Variants in PPP4R1 observed in about 807,000 individuals in gnomAD.
The protein encoded by PPP4R1 is protein phosphatase 4 regulatory subunit 1, also known as serine/threonine-protein phosphatase 4 regulatory subunit 1.
Under a neutral mutation model 111.2 loss-of-function variants are expected in PPP4R1, and 42 were observed. That is an observed-to-expected ratio of 0.38 (90% confidence interval 0.29 to 0.49). The LOEUF is 0.49. PPP4R1 is among the 20% of genes least tolerant of loss of function. The pLI is 0.97. For missense variants in PPP4R1, 1,012 were observed against 1,161.6 expected (o/e 0.87, Z 1.87); for synonymous variants, 409 against 405.5 (o/e 1.01, Z -0.10).
chr18:9,579,608 G>C lies in PPP4R1; in HGVS notation c.919-2417C>G, dbSNP rs1266866153. 2.0e-5 allele frequency among the ~76,000 whole-genome samples: 3 copies of C among 151,650 alleles called. No homozygotes were observed. In the East Asian group the frequency reaches 5.8e-4, roughly 29 times the overall value. ...GTGCAGCATATATAGCCTGCCCTCTGTATCCACAGGTTCTGTGGATTCAAC... is the reference window on the plus strand; with the variant it reads ...GTGCAGCATATATAGCCTGCCCTCTCTATCCACAGGTTCTGTGGATTCAAC... On this transcript the variant is annotated intron_variant, in intron 9 of 19. Transcript: ENST00000400556.
intron 9 of PPP4R1, among the ~76,000 whole-genome samples, chr18:9,580,665 G>A (rs2067014209): frequency 6.6e-6 from 1 of 152,062 alleles, no homozygotes; most frequent in South Asian, 2.1e-4. Context: ...TTCCCTCCTT[G>A]TAACGCCTCC....
At position 9,614,552 on chromosome 18, in the gene PPP4R1, G is replaced by A; in HGVS notation, c.-68C>T. 1 of 984,654 alleles carries A rather than the reference G, an allele frequency of 1.0e-6. No individual in the cohort carries two copies. The highest frequency in any genetic ancestry group is 1.2e-6 in the Non-Finnish European group (1 of 827,590). 61.0% of individuals were successfully genotyped at this position (984,654 alleles called of 1,614,324 possible). ...GCTACATGGAGCGGCGCGAGCCGGG[G>A]AGCCGGTGGACGCGCGCGGGAGGGG... On this transcript the variant is annotated 5_prime_UTR_variant, in exon 1 of 20. Coordinates refer to ENST00000400556, the MANE Select transcript of PPP4R1 (RefSeq NM_001042388.3). The surrounding 1 kb of genome is among the most constrained non-coding windows in gnomAD (Gnocchi z 4.1).
intron 18 of PPP4R1, 144 bp downstream of exon 18, chr18:9,549,908 G>T: frequency 1.6e-6 from 2 of 1,237,808 alleles, no homozygotes; most frequent in Non-Finnish European, 2.2e-6. Context: ...AACAATGGGG[G>T]CAGATGATCC....
chr18:9,582,739 A>C (rs141132107), intron 9 of PPP4R1, among the ~76,000 whole-genome samples: 15 of 152,338 alleles, frequency 9.8e-5, no homozygotes, highest in African/African-American at 3.4e-4. Flanking sequence ...ACAGACTATT[A>C]TCTCTCATGA....
intron 10 of PPP4R1, among the ~76,000 whole-genome samples, chr18:9,572,687 A>G (rs1224518060): frequency 2.6e-5 from 4 of 152,236 alleles, no homozygotes; most frequent in Admixed American, 6.5e-5. Flanking sequence ...AACAGTCACC[A>G]TCTACATTCT....
chr18:9,574,716 G>T (rs1334578739), intron 10 of PPP4R1, among the ~76,000 whole-genome samples: 1 of 152,148 alleles, frequency 6.6e-6, no homozygotes, highest in Non-Finnish European at 1.5e-5. Flanking sequence ...CAAAAGGATA[G>T]GATTAAAATA....
intron 11 of PPP4R1, among the ~76,000 whole-genome samples, chr18:9,566,350 G>A (rs1182841851): frequency 6.6e-6 from 1 of 151,600 alleles, no homozygotes; most frequent in Non-Finnish European, 1.5e-5. Flanking sequence ...TGTGGCTGAT[G>A]ACTTTAAGTT....
chr18:9,562,599 GTATTAT>G (rs2066696211), intron 12 of PPP4R1, among the ~76,000 whole-genome samples: 1 of 152,134 alleles, frequency 6.6e-6, no homozygotes, highest in Non-Finnish European at 1.5e-5. Context: ...CAAAGCAGTG[GTATTAT>G]ACAGATTTCT....
At chr18:9,564,728 GT>G (rs2066735131) in intron 11 of PPP4R1, among the ~76,000 whole-genome samples, 1 of 54,440 alleles carries the variant, frequency 1.8e-5, no homozygotes, top group Non-Finnish European at 4.1e-5. Flanking sequence ...GTGTGTGTGT[GT>G]GTGTGTGTGG....
At chr18:9,550,612 G>A (rs189690550) in intron 16 of PPP4R1, 328 of 555,718 alleles carry the variant, frequency 5.9e-4, no homozygotes, top group African/African-American at 5.6e-3. Flanking sequence ...TCCTTAGAGT[G>A]TAAGGAAAAC....
chr18:9,603,297 C>G (rs1476422371), intron 2 of PPP4R1, among the ~76,000 whole-genome samples: 2 of 127,800 alleles, frequency 1.6e-5, no homozygotes, highest in Admixed American at 1.5e-4. Flanking sequence ...TAAGTATTAT[C>G]TCATTCTAAG....
chr18:9,559,573 T>C lies in PPP4R1; in HGVS notation c.1874A>G (p.Tyr625Cys). 3 of 1,609,790 alleles carry C rather than the reference T, an allele frequency of 1.9e-6. No homozygotes were observed. The highest frequency in any genetic ancestry group is 2.5e-6 in the Non-Finnish European group (3 of 1,177,652). The stretch of plus-strand genomic sequence containing the variant: ...ACGAGAAGGGTCAGTCATAGATAAA[T>C]ACTGATCTAACAACGCCTGAGGTAC... ...DVVPQALLDQ[Y>C]LSMTDPSRAQ... Residue 625 changes from tyrosine to cysteine, a missense_variant, in exon 14 of 20, where the codon TAT (tyrosine) becomes TGT (cysteine). By Grantham distance (194) the Tyr-to-Cys change is radical (BLOSUM62 -2). Around this residue, in one of 2 missense-constraint regions of PPP4R1, gnomAD observed 305 missense variants for 419.5 expected, o/e 0.73. Coordinates refer to ENST00000400556, the MANE Select transcript of PPP4R1 (RefSeq NM_001042388.3).
At chr18:9,559,637 C>G in intron 13 of PPP4R1, 33 bp from the exon 14 acceptor site, 1 of 1,486,326 alleles carries the variant, frequency 6.7e-7, no homozygotes, top group Non-Finnish European at 9.1e-7. Flanking sequence ...AGTGACTGAG[C>G]AGCTGAGATG....
intron 15 of PPP4R1, among the ~76,000 whole-genome samples, chr18:9,556,456 GT>G (rs1384687623): frequency 6.6e-6 from 1 of 152,086 alleles, no homozygotes; most frequent in Non-Finnish European, 1.5e-5. Flanking sequence ...GCCTCCCAAA[GT>G]GCTGGGATTA....
At chr18:9,564,713 TGTGTGTGTGTGTGTGTGTGTGTGTGGGG>T (rs1388920839) in intron 11 of PPP4R1, among the ~76,000 whole-genome samples, 1 of 51,736 alleles carries the variant, frequency 1.9e-5, no homozygotes, top group Non-Finnish European at 4.3e-5. Context: ...TGTGTGTGTG[TGTGTGTGTGTGTGTGTGTGTGTGTGGGG>T]GTATCATCCC....
rs781704259 is a variant in PPP4R1 at position 9,550,046 on chromosome 18, G to A, written c.2547+6C>T. 24 of 1,614,170 alleles carry A rather than the reference G, an allele frequency of 1.5e-5. No homozygotes were observed. Among genetic ancestry groups the A allele is most frequent in the East Asian group, 6.7e-5 (3 of 44,888 alleles). ...CACAAACAGGTAAGCCCAGGGCCTC[G>A]CTTACCTGGCAGACAAAGACAAAGG... On this transcript the variant is annotated splice_donor_region_variant and intron_variant, in intron 18 of 19. Transcript: ENST00000400556.
At chr18:9,558,880 T>G (rs7245068) in intron 14 of PPP4R1, among the ~76,000 whole-genome samples, 1 of 151,990 alleles carries the variant, frequency 6.6e-6, no homozygotes, top group Non-Finnish European at 1.5e-5. Context: ...AAGCAAGGGT[T>G]TACCTTGTGT....
intron 13 of PPP4R1, among the ~76,000 whole-genome samples, chr18:9,561,365 T>C (rs1475570667): frequency 6.6e-6 from 1 of 152,056 alleles, no homozygotes; most frequent in Non-Finnish European, 1.5e-5. Flanking sequence ...CACAGTGCCT[T>C]CTTACGATGG....
intron 13 of PPP4R1, among the ~76,000 whole-genome samples, chr18:9,560,702 G>A (rs193053018): frequency 1.4e-3 from 206 of 152,206 alleles, no homozygotes; most frequent in African/African-American, 4.8e-3. Context: ...AGTAAATAAA[G>A]TAAAAATTGG....
Sources: gnomAD v4.1 joint callset for allele counts (sites outside exome capture counted in the v4.1 genomes callset) on GRCh38, gnomAD v4.1.1 for gene constraint, gnomAD v4.1.1 regional missense constraint, Gnocchi (gnomAD v3.1) non-coding constraint, MANE v1.5 for transcripts, NCBI Gene and HGNC (gene_info 2026-07-23, HGNC 2026-07-21) for gene names.